LRRC4B: variants seen among roughly 807,000 people sequenced by gnomAD.
LRRC4B encodes leucine rich repeat containing 4B.
A neutral mutation model predicts 7.3 loss-of-function variants in LRRC4B; 1 was observed. That is an observed-to-expected ratio of 0.14 (90% CI 0.05 to 0.65). The LOEUF (loss-of-function observed/expected upper bound fraction) is 0.65. LRRC4B is among the 30% of genes least tolerant of loss of function. The pLI is 0.84. For missense variants in LRRC4B, 730 were observed against 1,041.6 expected (o/e 0.70, Z 4.12); for synonymous variants, 500 against 499.2 (o/e 1.00, Z -0.02).
intron 1 of LRRC4B, among the ~76,000 whole-genome samples, chr19:50,552,384 C>T (rs186052642): frequency 3.9e-5 from 6 of 152,186 alleles, no homozygotes; most frequent in Non-Finnish European, 7.4e-5. Flanking sequence ...ACCGTCACCC[C>T]GTCCCGTGGC....
chr19:50,520,374 A>G (rs1358820543), intron 2 of LRRC4B, among the ~76,000 whole-genome samples: 1 of 152,070 alleles, frequency 6.6e-6, no homozygotes, highest in African/African-American at 2.4e-5. Context: ...TAATGCCTGT[A>G]ATGCCAGCAC....
chr19:50,548,465 C>T lies in LRRC4B; in HGVS notation c.297+77G>A, dbSNP rs1981906237. The T allele has an allele frequency of 2.6e-6, 4 of 1,525,990 alleles. No homozygotes were observed. The highest frequency in any genetic ancestry group is 1.4e-5 in the African/African-American group (1 of 73,096). The allele number at this position is 1,525,990 out of a possible 1,614,324, so 94.5% of individuals were successfully genotyped here. ...GGGGAAGCCCCGGTGTGGGGAGGCC[C>T]AGAAGGGATGGGCTACATCTGCATG... On this transcript the variant is annotated intron_variant, in intron 2 of 2. Transcript: ENST00000652263. This position sits in a 1 kb window ranked among gnomAD's most constrained non-coding sequence, Gnocchi z 6.8.
intron 2 of LRRC4B, among the ~76,000 whole-genome samples, chr19:50,534,785 T>C (rs1599768358): frequency 6.6e-6 from 1 of 152,144 alleles, no homozygotes; most frequent in South Asian, 2.1e-4. Flanking sequence ...AGAAAATAAA[T>C]TGTGAAGAAA....
intron 2 of LRRC4B, among the ~76,000 whole-genome samples, chr19:50,538,683 C>A (rs7250653): frequency 6.6e-6 from 1 of 151,094 alleles, no homozygotes; most frequent in East Asian, 2.0e-4. Context: ...ATCTTCCCAC[C>A]TCAGCCTCCC....
At chr19:50,552,627 T>TCCGCCCA (rs1568733892) in intron 1 of LRRC4B, among the ~76,000 whole-genome samples, 9,444 of 101,982 alleles carry the variant, frequency 0.093, 590 homozygotes, top group Middle Eastern at 0.17. Flanking sequence ...CATCCATCCA[T>TCCGCCCA]TCATCCATCC....
intron 2 of LRRC4B, among the ~76,000 whole-genome samples, chr19:50,542,663 G>A (rs1444215006): frequency 6.6e-6 from 1 of 151,888 alleles, no homozygotes; most frequent in African/African-American, 2.4e-5. Context: ...TTTTAGTAGA[G>A]ATGGGGTTTC....
intron 1 of LRRC4B, among the ~76,000 whole-genome samples, chr19:50,552,639 C>T (rs60974014): frequency 0.2 from 15,660 of 76,594 alleles, 1,390 homozygotes; most frequent in African/African-American, 0.29. Flanking sequence ...CATCCATCCG[C>T]CCATCCGTCC....
At chr19:50,530,350 C>T (rs560654781) in intron 2 of LRRC4B, among the ~76,000 whole-genome samples, 80 of 152,218 alleles carry the variant, frequency 5.3e-4, no homozygotes, top group Non-Finnish European at 8.8e-4. Context: ...CATGGCCCCT[C>T]ACTCGCAGCC....
At position 50,517,525 on chromosome 19, in the gene LRRC4B, C is replaced by A; in HGVS notation, c.*46G>T. On this transcript the variant is annotated 3_prime_UTR_variant, in exon 3 of 3. Transcript: ENST00000652263. The surrounding 1 kb of genome is among the most constrained non-coding windows in gnomAD (Gnocchi z 6.6). The stretch of plus-strand genomic sequence containing the variant: ...CGGTCAGGCTGCGCCCGGGCTGGGA[C>A]CTGGGTGGGGGGCTCCACGCCCCTC... 1 of 1,382,726 alleles carries A rather than the reference C, an allele frequency of 7.2e-7. No homozygotes were observed. Among genetic ancestry groups the A allele is most frequent in the South Asian group, 1.8e-5 (1 of 55,716 alleles). 85.7% of individuals were successfully genotyped at this position (1,382,726 alleles called of 1,614,324 possible). A position where few individuals can be genotyped will look rare whatever the true frequency, so the allele number is the denominator to read the frequency against.
intron 2 of LRRC4B, among the ~76,000 whole-genome samples, chr19:50,543,852 C>CAAAAAAAAAA (rs36044151): frequency 1.2e-4 from 10 of 83,314 alleles, no homozygotes; most frequent in African/African-American, 2.5e-4. Flanking sequence ...GCCTCCATCT[C>CAAAAAAAAAA]AAAAAAAAAA....
At chr19:50,523,820 A>C (rs781233409) in intron 2 of LRRC4B, among the ~76,000 whole-genome samples, 1 of 151,582 alleles carries the variant, frequency 6.6e-6, no homozygotes, top group Non-Finnish European at 1.5e-5. Flanking sequence ...TTAGTCAGGC[A>C]TGGTGGCAGG....
At chr19:50,525,294 C>T (rs529587763) in intron 2 of LRRC4B, among the ~76,000 whole-genome samples, 2 of 152,130 alleles carry the variant, frequency 1.3e-5, no homozygotes, top group African/African-American at 4.8e-5. Flanking sequence ...CTCAGCACGT[C>T]GTCATTCTCA....
intron 1 of LRRC4B, among the ~76,000 whole-genome samples, chr19:50,561,484 A>G (rs1046962384): frequency 2.0e-5 from 3 of 152,220 alleles, no homozygotes; most frequent in African/African-American, 7.2e-5. Flanking sequence ...CTGTAATCCC[A>G]GCACTTTGGG....
intron 2 of LRRC4B, among the ~76,000 whole-genome samples, chr19:50,546,881 C>T (rs908416634): frequency 1.1e-4 from 16 of 152,324 alleles, no homozygotes; most frequent in Middle Eastern, 3.4e-3. Context: ...CCTGGCGTGC[C>T]GTCCCAGCCA....
chr19:50,567,820 T>TTCC (rs1476212293), intron 1 of LRRC4B, 124 bp downstream of exon 1: 1 of 65,208 alleles, frequency 1.5e-5, no homozygotes, highest in Non-Finnish European at 3.0e-5. Context: ...TCCTCTGCCA[T>TTCC]CCCCCCCCAT....
In LRRC4B at chr19:50,548,481, C is replaced by T. The variant is rs1160854090; in HGVS notation, c.297+61G>A. ...GGGGAGGCCCAGAAGGGATGGGCTACATCTGCATGCCTCCCCAGTGTCCCC... is the reference window on the plus strand; with the variant it reads ...GGGGAGGCCCAGAAGGGATGGGCTATATCTGCATGCCTCCCCAGTGTCCCC... On this transcript the variant is annotated intron_variant, in intron 2 of 2. Transcript: ENST00000652263. This position sits in a 1 kb window ranked among gnomAD's most constrained non-coding sequence, Gnocchi z 6.8. 1 of 1,540,900 alleles carries T rather than the reference C, an allele frequency of 6.5e-7. No individual in the cohort carries two copies. The highest frequency in any genetic ancestry group is 1.4e-5 in the African/African-American group (1 of 73,462).
chr19:50,544,548 AT>A (rs1335141368), intron 2 of LRRC4B, among the ~76,000 whole-genome samples: 7 of 151,974 alleles, frequency 4.6e-5, no homozygotes, highest in Non-Finnish European at 1.0e-4. Context: ...AAATAAAAAA[AT>A]AAAAAAGCTA....
chr19:50,560,807 G>A lies in LRRC4B; in HGVS notation c.-36+7137C>T, dbSNP rs115427204. Among the ~76,000 whole-genome samples, 1,305 of 152,282 alleles carry A rather than the reference G, an allele frequency of 8.6e-3. 14 individuals carry two copies. The highest frequency in any genetic ancestry group is 0.03 in the African/African-American group (1,233 of 41,558). The stretch of plus-strand genomic sequence containing the variant: ...ACATTAAAAGTTATCATTTATTCTC[G>A]GCCGGGTGCAGTGGCTCACGCCTGT... On this transcript the variant is annotated intron_variant, in intron 1 of 2. Coordinates refer to ENST00000652263, the MANE Select transcript of LRRC4B (RefSeq NM_001080457.2).
intron 1 of LRRC4B, among the ~76,000 whole-genome samples, chr19:50,558,218 C>T (rs796196072): frequency 6.9e-6 from 1 of 144,394 alleles, no homozygotes; most frequent in African/African-American, 2.9e-5. Context: ...CACACACACA[C>T]ACACACACAT....
Sources: allele counts gnomAD v4.1 joint callset (sites outside exome capture counted in the v4.1 genomes callset), GRCh38; gene constraint gnomAD v4.1.1; non-coding constraint Gnocchi (gnomAD v3.1); transcripts MANE v1.5; gene names NCBI Gene and HGNC (gene_info 2026-07-23, HGNC 2026-07-21).